PRKG2: variants seen among roughly 807,000 people sequenced by gnomAD.
PRKG2 encodes the protein protein kinase cGMP-dependent 2, also known as cGMP-dependent protein kinase 2.
PRKG2 carries 33 observed loss-of-function variants against 97.2 expected under a neutral mutation model. The ratio of observed to expected loss-of-function variants is 0.34; its 90% CI spans 0.26 to 0.45. PRKG2 has a LOEUF of 0.45. PRKG2 is among the 20% of genes least tolerant of loss of function. The pLI, the probability that PRKG2 is intolerant of heterozygous loss-of-function variation, is 1.00. For missense variants in PRKG2, 638 were observed against 900.0 expected (o/e 0.71, Z 3.73); for synonymous variants, 330 against 321.8 (o/e 1.03, Z -0.27).
At chr4:81,165,366 C>A (rs569069003) in intron 6 of PRKG2, among the ~76,000 whole-genome samples, 1 of 152,162 alleles carries the variant, frequency 6.6e-6, no homozygotes, top group Non-Finnish European at 1.5e-5. Flanking sequence ...AAATCAACTC[C>A]TAAACTGCAT....
chr4:81,137,373 T>C lies in PRKG2; in HGVS notation c.1634+20A>G, dbSNP rs757445433. Reference sequence around the variant, plus strand: ...ATATAGCCCTTAGGCCAGATGTGAGTATACAAACTTTTTCATTACCTGTCC... The same window carrying C: ...ATATAGCCCTTAGGCCAGATGTGAGCATACAAACTTTTTCATTACCTGTCC... On this transcript the variant is annotated intron_variant, in intron 13 of 18. Coordinates refer to ENST00000264399, the MANE Select transcript of PRKG2 (RefSeq NM_006259.3). 3 of 1,544,132 alleles carry C rather than the reference T, an allele frequency of 1.9e-6. No homozygotes were observed. The highest frequency in any genetic ancestry group is 2.7e-6 in the Non-Finnish European group (3 of 1,117,106).
At chr4:81,201,378 G>A (rs1753305335) in intron 2 of PRKG2, among the ~76,000 whole-genome samples, 1 of 152,106 alleles carries the variant, frequency 6.6e-6, no homozygotes, top group Admixed American at 6.5e-5. Flanking sequence ...AGTTCTACTG[G>A]ACAGCACTGA....
intron 11 of PRKG2, among the ~76,000 whole-genome samples, chr4:81,141,799 G>T (rs1414122106): frequency 6.6e-6 from 1 of 152,116 alleles, no homozygotes; most frequent in Non-Finnish European, 1.5e-5. Flanking sequence ...CTGCAGACAG[G>T]TATTATCTTT....
chr4:81,178,585 G>C (rs1751130314), intron 2 of PRKG2, among the ~76,000 whole-genome samples: 1 of 151,170 alleles, frequency 6.6e-6, no homozygotes, highest in South Asian at 2.1e-4. Context: ...ACACGCAAAA[G>C]ATCAGTTTGC....
At chr4:81,182,463 A>G (rs1751499381) in intron 2 of PRKG2, among the ~76,000 whole-genome samples, 1 of 152,084 alleles carries the variant, frequency 6.6e-6, no homozygotes, top group African/African-American at 2.4e-5. Context: ...TTATATCGTG[A>G]AACATTGAAA....
rs1034588000 is a variant in PRKG2 at position 81,088,762 on chromosome 4, C to T, written c.*946G>A. The T allele has an allele frequency of 2.0e-5, 3 of 152,142 alleles. No homozygotes were observed. The highest frequency in any genetic ancestry group is 2.9e-5 in the Non-Finnish European group (2 of 67,998). The allele number at this position is 152,142 out of a possible 1,614,324, so 9.4% of individuals were successfully genotyped here. A position where few individuals can be genotyped will look rare whatever the true frequency, so the allele number is the denominator to read the frequency against. On this transcript the variant is annotated 3_prime_UTR_variant, in exon 19 of 19. Transcript: ENST00000264399. Reference sequence around the variant, plus strand: ...ATTAAAAATTAACGATGATTCTATACAATTTTGGTTTATTAATAGCAACTA... The same window carrying T: ...ATTAAAAATTAACGATGATTCTATATAATTTTGGTTTATTAATAGCAACTA...
intron 2 of PRKG2, among the ~76,000 whole-genome samples, chr4:81,189,011 C>A (rs1752169784): frequency 2.9e-5 from 2 of 67,980 alleles, no homozygotes; most frequent in Non-Finnish European, 4.5e-5. Context: ...TACCCTAAAA[C>A]TTAAAGTATA....
chr4:81,160,565 C>T (rs889601993), intron 6 of PRKG2, among the ~76,000 whole-genome samples: 1 of 151,946 alleles, frequency 6.6e-6, no homozygotes, highest in Admixed American at 6.6e-5. Context: ...GGAAAATTAC[C>T]CTTAATTTCT....
In PRKG2 at chr4:81,135,338, A is replaced by G. The variant is rs73832618; in HGVS notation, c.1635-42T>C. On this transcript the variant is annotated intron_variant, in intron 13 of 18. Coordinates refer to ENST00000264399, the MANE Select transcript of PRKG2 (RefSeq NM_006259.3). ...TTCCCTCTTAATACTTTGGATACAC[A>G]TCTTTGGTGCTGTTCTACGTGTCAA... is the stretch of plus-strand genomic sequence containing the variant. 7.4e-3 allele frequency: 11,794 copies of G among 1,594,718 alleles called. 756 individuals are homozygous for G. The African/African-American group carries it at 0.14, about 19-fold the overall frequency.
chr4:81,154,575 AAACT>A (rs1412148424), intron 6 of PRKG2, among the ~76,000 whole-genome samples: 1 of 147,024 alleles, frequency 6.8e-6, no homozygotes, highest in Non-Finnish European at 1.5e-5. Flanking sequence ...GTTAGAAGGA[AAACT>A]AACAAACAGA....
intron 1 of PRKG2, among the ~76,000 whole-genome samples, chr4:81,205,590 C>T (rs1195402603): frequency 6.6e-6 from 1 of 152,220 alleles, no homozygotes; most frequent in Non-Finnish European, 1.5e-5. Context: ...TAGCACTTTC[C>T]TCCTGCTGTA....
intron 2 of PRKG2, among the ~76,000 whole-genome samples, chr4:81,180,797 T>C (rs950737672): frequency 1.8e-5 from 2 of 111,756 alleles, no homozygotes; most frequent in Non-Finnish European, 3.1e-5. Context: ...ATTTTAAATA[T>C]CTCTTCAATA....
Position 81,205,057 on chromosome 4 carries a change from G to C in PRKG2, c.-10C>G, listed in dbSNP as rs201523438. 1 of 1,584,818 alleles carries C rather than the reference G, an allele frequency of 6.3e-7. No individual in the cohort carries two copies. Among genetic ancestry groups the C allele is most frequent in the Admixed American group, 1.8e-5 (1 of 57,114 alleles). ...CTGAACCATTTCCCATTTTGCTCAGGGACCTGAGAAGGCACAGAATTGGGA... is the reference window on the plus strand; with the variant it reads ...CTGAACCATTTCCCATTTTGCTCAGCGACCTGAGAAGGCACAGAATTGGGA... On this transcript the variant is annotated 5_prime_UTR_variant, in exon 2 of 19. Coordinates refer to ENST00000264399, the MANE Select transcript of PRKG2 (RefSeq NM_006259.3).
chr4:81,131,113 T>G (rs1578392998), intron 14 of PRKG2, among the ~76,000 whole-genome samples: 1 of 152,326 alleles, frequency 6.6e-6, no homozygotes, highest in South Asian at 2.1e-4. Flanking sequence ...GCCCTGATGA[T>G]GTAGGCACCC....
chr4:81,199,762 G>A (rs1753188597), intron 2 of PRKG2, among the ~76,000 whole-genome samples: 1 of 152,144 alleles, frequency 6.6e-6, no homozygotes, highest in Non-Finnish European at 1.5e-5. Context: ...CTTTGGAAAG[G>A]AAGCAAATAA....
chr4:81,173,188 T>A (rs1423954711), intron 3 of PRKG2, among the ~76,000 whole-genome samples: 2 of 152,166 alleles, frequency 1.3e-5, no homozygotes, highest in African/African-American at 4.8e-5. Context: ...GGAATATTTT[T>A]AATTATCAAA....
intron 8 of PRKG2, among the ~76,000 whole-genome samples, chr4:81,151,597 A>G (rs1487947286): frequency 6.6e-6 from 1 of 152,122 alleles, no homozygotes; most frequent in Non-Finnish European, 1.5e-5. Flanking sequence ...ATTATTTCGT[A>G]ATTTTTAAAA....
chr4:81,169,840 T>C (rs1481720125), intron 4 of PRKG2, 72 bp from the exon 5 acceptor site: 1 of 990,190 alleles, frequency 1.0e-6, no homozygotes, highest in Admixed American at 2.6e-5. Context: ...TATAAATCGA[T>C]GGATTTGTTA....
At chr4:81,155,049 G>A (rs1748895310) in intron 6 of PRKG2, among the ~76,000 whole-genome samples, 1 of 150,584 alleles carries the variant, frequency 6.6e-6, no homozygotes, top group South Asian at 2.1e-4. Context: ...GTAGTGGCGG[G>A]CGCCTGTAGT....
Sources: gnomAD v4.1 joint callset for allele counts (sites outside exome capture counted in the v4.1 genomes callset) on GRCh38, gnomAD v4.1.1 for gene constraint, MANE v1.5 for transcripts, NCBI Gene and HGNC (gene_info 2026-07-23, HGNC 2026-07-21) for gene names.